PTPRT: variants seen among roughly 807,000 people sequenced by gnomAD.
PTPRT encodes the protein protein tyrosine phosphatase receptor type T.
In PTPRT, 56 loss-of-function variants were observed where a neutral mutation model predicts 176.8. That is an observed-to-expected ratio of 0.32 (90% CI 0.26 to 0.40). PTPRT has a LOEUF of 0.40. PTPRT is among the 10% of genes least tolerant of loss of function. The pLI is 1.00. For synonymous variants in PTPRT, 783 were observed against 739.0 expected (o/e 1.06, Z -0.96); for missense variants, 1,540 against 1,908.2 (o/e 0.81, Z 3.60).
intron 21 of PTPRT, chr20:42,116,198 G>A (rs1376976640): frequency 1.5e-6 from 1 of 677,664 alleles, no homozygotes; most frequent in Non-Finnish European, 2.7e-6. Context: ...AGTTAAATAG[G>A]CAGCTTTGCT....
In PTPRT at chr20:42,916,414, G is replaced by T. The variant is rs147723465; in HGVS notation, c.89-30482C>A. Among the ~76,000 whole-genome samples the T allele has an allele frequency of 3.3e-5, 5 of 152,062 alleles. No individual in the cohort carries two copies. In the East Asian group the frequency reaches 9.7e-4, roughly 29 times the overall value. Reference sequence around the variant, plus strand: ...AGTCTTTGCTATTGTGAATAGTGCCGCTATAAACATACATGTGCATGTGTC... The same window carrying T: ...AGTCTTTGCTATTGTGAATAGTGCCTCTATAAACATACATGTGCATGTGTC... On this transcript the variant is annotated intron_variant, in intron 1 of 30. Transcript: ENST00000373187.
At chr20:43,027,634 A>C (rs1985969876) in intron 1 of PTPRT, among the ~76,000 whole-genome samples, 1 of 152,114 alleles carries the variant, frequency 6.6e-6, no homozygotes, top group African/African-American at 2.4e-5. Flanking sequence ...AGCCAAGGAG[A>C]GAGGCCTCAG....
At chr20:42,970,039 A>G (rs780898478) in intron 1 of PTPRT, among the ~76,000 whole-genome samples, 1 of 152,186 alleles carries the variant, frequency 6.6e-6, no homozygotes, top group Non-Finnish European at 1.5e-5. Context: ...ACATCTAGGC[A>G]GCCTTGCTCC....
At chr20:42,877,035 T>C (rs978473899) in intron 2 of PTPRT, among the ~76,000 whole-genome samples, 2 of 151,948 alleles carry the variant, frequency 1.3e-5, no homozygotes, top group African/African-American at 4.8e-5. Flanking sequence ...ACCTGTAGGG[T>C]TTGTGGTTGA....
chr20:42,860,045 C>T (rs923979747), intron 2 of PTPRT, among the ~76,000 whole-genome samples: 1 of 152,128 alleles, frequency 6.6e-6, no homozygotes, highest in Non-Finnish European at 1.5e-5. Flanking sequence ...TCTATGTTTT[C>T]CAAATTTTAC....
rs114041208 is a variant in PTPRT at position 42,639,827 on chromosome 20, G to C, written c.1153+38039C>G. 4.1e-3 allele frequency among the ~76,000 whole-genome samples: 622 copies of C among 152,122 alleles called. 5 individuals carry two copies. Among genetic ancestry groups the C allele is most frequent in the Middle Eastern group, 0.041 (12 of 294 alleles). ...TTAGATCCCTCTCTTCTACCTTCCT[G>C]GTAATCTTACTCCATTCTTTCCAGG... On this transcript the variant is annotated intron_variant, in intron 7 of 30. Coordinates refer to ENST00000373187, the MANE Select transcript of PTPRT (RefSeq NM_007050.6).
intron 8 of PTPRT, among the ~76,000 whole-genome samples, chr20:42,466,889 T>C (rs568383631): frequency 4.9e-4 from 75 of 152,220 alleles, no homozygotes; most frequent in African/African-American, 1.7e-3. Flanking sequence ...GTCTAGAATA[T>C]TTTTGTTGTG....
At chr20:42,552,376 A>G (rs1350021667) in intron 7 of PTPRT, among the ~76,000 whole-genome samples, 2 of 152,168 alleles carry the variant, frequency 1.3e-5, no homozygotes, top group Non-Finnish European at 2.9e-5. Context: ...AGATCGATCA[A>G]TGCAGCAGAA....
intron 1 of PTPRT, among the ~76,000 whole-genome samples, chr20:43,126,790 T>C (rs2013455232): frequency 6.6e-6 from 1 of 152,064 alleles, no homozygotes; most frequent in South Asian, 2.1e-4. Flanking sequence ...ATAGTAATAG[T>C]AATAGTGGTA....
intron 6 of PTPRT, among the ~76,000 whole-genome samples, chr20:42,679,863 C>G (rs1219104597): frequency 6.6e-6 from 1 of 152,134 alleles, no homozygotes; most frequent in South Asian, 2.1e-4. Flanking sequence ...CTGCAATGAA[C>G]ATCTTTGTGC....
intron 7 of PTPRT, among the ~76,000 whole-genome samples, chr20:42,563,217 G>T (rs1002179474): frequency 6.6e-6 from 1 of 151,952 alleles, no homozygotes; most frequent in Non-Finnish European, 1.5e-5. Flanking sequence ...GATGTGTAAA[G>T]CTCCCCAAAG....
rs190293646 is a variant in PTPRT at position 42,763,965 on chromosome 20, T to C, written c.685-7329A>G. Among the ~76,000 whole-genome samples, 7 of 152,312 alleles carry C rather than the reference T, an allele frequency of 4.6e-5. No homozygotes were observed. In the East Asian group the frequency reaches 1.2e-3, roughly 25 times the overall value. ...ATGAGAACATGAAACTTAATGCTGCTTGCTGTGTGGTGAATAACAAAGTTC... is the reference window on the plus strand; with the variant it reads ...ATGAGAACATGAAACTTAATGCTGCCTGCTGTGTGGTGAATAACAAAGTTC... On this transcript the variant is annotated intron_variant, in intron 5 of 30. Coordinates refer to ENST00000373187, the MANE Select transcript of PTPRT (RefSeq NM_007050.6).
In PTPRT at chr20:42,405,857, G is replaced by A. The variant is rs547446051; in HGVS notation, c.1560+42363C>T. ...CTCCACATCCTCTCCAGCGCCTGTT[G>A]TTTCCTGACTTTTTAATGATCACCA... On this transcript the variant is annotated intron_variant, in intron 9 of 30. Coordinates refer to ENST00000373187, the MANE Select transcript of PTPRT (RefSeq NM_007050.6). Among the ~76,000 whole-genome samples, 11 of 152,194 alleles carry A rather than the reference G, an allele frequency of 7.2e-5. No homozygotes were observed. The South Asian group carries it at 2.1e-3, about 29-fold the overall frequency.
chr20:42,816,047 C>T (rs1251487054), intron 2 of PTPRT, among the ~76,000 whole-genome samples: 1 of 152,096 alleles, frequency 6.6e-6, no homozygotes, highest in African/African-American at 2.4e-5. Context: ...GGAGCTGGCA[C>T]ACACACAAAA....
At chr20:42,235,247 G>A (rs2056217577) in intron 15 of PTPRT, among the ~76,000 whole-genome samples, 1 of 148,670 alleles carries the variant, frequency 6.7e-6, no homozygotes, top group African/African-American at 2.6e-5. Flanking sequence ...TGTTGTTGTT[G>A]TTATTTATTA....
chr20:43,188,912 C>T (rs2146497425), intron 1 of PTPRT, among the ~76,000 whole-genome samples: 1 of 152,190 alleles, frequency 6.6e-6, no homozygotes, highest in East Asian at 1.9e-4. Context: ...ACTACCTCTG[C>T]TCACCGCCTT....
chr20:42,392,922 C>T (rs1466761835), intron 9 of PTPRT, among the ~76,000 whole-genome samples: 1 of 151,992 alleles, frequency 6.6e-6, no homozygotes. Context: ...AGGAAGTCTT[C>T]AGAAAAGAAG....
At chr20:42,391,454 C>A (rs1470556722) in intron 9 of PTPRT, among the ~76,000 whole-genome samples, 1 of 152,134 alleles carries the variant, frequency 6.6e-6, no homozygotes, top group African/African-American at 2.4e-5. Context: ...AGCCAATGTC[C>A]TGGCGGCCAA....
intron 4 of PTPRT, among the ~76,000 whole-genome samples, chr20:42,774,685 A>T (rs55651075): frequency 6.6e-6 from 1 of 152,076 alleles, no homozygotes; most frequent in Non-Finnish European, 1.5e-5. Flanking sequence ...ACATTCAGGG[A>T]TGCCCCCACC....
Sources: allele counts gnomAD v4.1 joint callset (sites outside exome capture counted in the v4.1 genomes callset), GRCh38; gene constraint gnomAD v4.1.1; transcripts MANE v1.5; gene names NCBI Gene and HGNC (gene_info 2026-07-23, HGNC 2026-07-21).